PIGU: variants seen among roughly 807,000 people sequenced by gnomAD.
PIGU encodes the protein GPI-anchor transamidase component PIGU.
PIGU carries 24 observed loss-of-function variants against 49.9 expected under a neutral mutation model. The observed-to-expected ratio is 0.48, with a 90% confidence interval of 0.35 to 0.68. PIGU has a LOEUF of 0.68. PIGU is among the 30% of genes least tolerant of loss of function. The probability of loss-of-function intolerance (pLI) is 0.01; values close to 1 mark genes in which losing one functional copy is unlikely to be tolerated. For synonymous variants in PIGU, 220 were observed against 205.7 expected, an observed-to-expected ratio of 1.07 and a Z score of -0.59; for missense variants, 490 against 532.6, an observed-to-expected ratio of 0.92 and a Z score of 0.79.
chr20:34,670,688 C>T lies in PIGU; in HGVS notation c.130+6268G>A, dbSNP rs371290101. On this transcript the variant is annotated intron_variant, in intron 1 of 11. Transcript: ENST00000217446. ...CCAGGTAGCTGGGACTACAGGCACA[C>T]GCCACCATACCCACCTAATTTTTGT... Among the ~76,000 whole-genome samples, 23 of 152,240 alleles carry T rather than the reference C, an allele frequency of 1.5e-4. 1 individual carries two copies. The South Asian group carries it at 3.7e-3, about 25-fold the overall frequency.
chr20:34,579,811 C>A (rs1983386953), intron 10 of PIGU, among the ~76,000 whole-genome samples: 1 of 152,228 alleles, frequency 6.6e-6, no homozygotes, highest in Non-Finnish European at 1.5e-5. Flanking sequence ...GTTTATTCGT[C>A]TTGAAAAATA....
chr20:34,633,906 G>A (rs1038002858), intron 6 of PIGU, among the ~76,000 whole-genome samples: 25 of 152,022 alleles, frequency 1.6e-4, no homozygotes, highest in African/African-American at 5.8e-4. Flanking sequence ...TGATGGGAGT[G>A]CAACAAATAA....
intron 6 of PIGU, among the ~76,000 whole-genome samples, chr20:34,622,695 C>T (rs1943617972): frequency 6.6e-6 from 1 of 152,152 alleles, no homozygotes; most frequent in Non-Finnish European, 1.5e-5. Flanking sequence ...GCTAGGGCAT[C>T]ACGCTGGCCT....
chr20:34,594,314 A>G (rs1208627885), intron 7 of PIGU, among the ~76,000 whole-genome samples: 3 of 152,244 alleles, frequency 2.0e-5, no homozygotes, highest in South Asian at 4.1e-4. Flanking sequence ...TTGTAATTGC[A>G]AAATATTGTA....
At chr20:34,600,763 G>A (rs1277761185) in intron 7 of PIGU, among the ~76,000 whole-genome samples, 3 of 152,114 alleles carry the variant, frequency 2.0e-5, no homozygotes, top group Admixed American at 6.6e-5. Flanking sequence ...GGCCGGGCAC[G>A]GTGGCTCACA....
chr20:34,580,370 C>A (rs1983406733), intron 10 of PIGU, among the ~76,000 whole-genome samples: 1 of 152,244 alleles, frequency 6.6e-6, no homozygotes, highest in African/African-American at 2.4e-5. Flanking sequence ...CACAGCCCCA[C>A]TAGGCCATCA....
At chr20:34,638,383 A>G (rs1986037979) in intron 4 of PIGU, among the ~76,000 whole-genome samples, 1 of 152,172 alleles carries the variant, frequency 6.6e-6, no homozygotes. Flanking sequence ...TTTTTCACTT[A>G]TTTATATGAT....
At chr20:34,634,881 A>C (rs1350152135) in intron 5 of PIGU, among the ~76,000 whole-genome samples, 166 bp from the exon 6 acceptor site, 1 of 152,230 alleles carries the variant, frequency 6.6e-6, no homozygotes, top group Non-Finnish European at 1.5e-5. Flanking sequence ...GTTGAGGCTG[A>C]TAAGTAAAAG....
chr20:34,639,654 T>A (rs1363357296), intron 4 of PIGU, among the ~76,000 whole-genome samples: 3 of 152,140 alleles, frequency 2.0e-5, no homozygotes, highest in East Asian at 1.9e-4. Flanking sequence ...TAAAAAAAAA[T>A]TAACCAAAAA....
At chr20:34,668,455 C>G (rs1393182439) in intron 1 of PIGU, among the ~76,000 whole-genome samples, 2 of 105,718 alleles carry the variant, frequency 1.9e-5, no homozygotes, top group Non-Finnish European at 3.6e-5. Flanking sequence ...GAGCGAGACT[C>G]CGTCTCAAAA....
intron 1 of PIGU, among the ~76,000 whole-genome samples, chr20:34,670,409 C>T (rs1228536977): frequency 6.6e-6 from 1 of 151,982 alleles, no homozygotes; most frequent in Non-Finnish European, 1.5e-5. Flanking sequence ...AGGCCGGTCT[C>T]GAACTCAAGC....
At chr20:34,609,521 T>G (rs1045724316) in intron 7 of PIGU, among the ~76,000 whole-genome samples, 1 of 152,098 alleles carries the variant, frequency 6.6e-6, no homozygotes, top group Non-Finnish European at 1.5e-5. Flanking sequence ...CATGTCACCA[T>G]GCCTAGCTAA....
At chr20:34,616,012 G>A (rs770385649) in intron 7 of PIGU, 30 bp downstream of exon 7, 2 of 1,583,972 alleles carry the variant, frequency 1.3e-6, no homozygotes, top group Non-Finnish European at 8.6e-7. Flanking sequence ...ATGTCACTTG[G>A]GTGCTGGCTT....
rs527336382 is a variant in PIGU, at chr20:34,622,727, G to A, written c.530-6588C>T. On this transcript the variant is annotated intron_variant, in intron 6 of 11. Transcript: ENST00000217446. ...GCCTAACCAGAAGGAACTGTGCCAAGAGGACTAAGAGTTTTACCCCAAAAT... is the reference window on the plus strand; with the variant it reads ...GCCTAACCAGAAGGAACTGTGCCAAAAGGACTAAGAGTTTTACCCCAAAAT... 3.4e-4 allele frequency among the ~76,000 whole-genome samples: 52 copies of A among 152,260 alleles called. No individual in the cohort carries two copies. The South Asian group carries it at 3.5e-3, about 10-fold the overall frequency.
At chr20:34,676,001 A>C (rs1451404593) in intron 1 of PIGU, among the ~76,000 whole-genome samples, 7 of 146,774 alleles carry the variant, frequency 4.8e-5, no homozygotes, top group Non-Finnish European at 8.9e-5. Context: ...CTTAATATGC[A>C]TTGTATGTAT....
At chr20:34,584,569 T>C (rs2146709136) in intron 9 of PIGU, among the ~76,000 whole-genome samples, 1 of 141,888 alleles carries the variant, frequency 7.0e-6, no homozygotes, top group African/African-American at 2.6e-5. Context: ...AGAAGTGCAG[T>C]GGCACAAGCA....
At chr20:34,599,282 G>A (rs1484050647) in intron 7 of PIGU, among the ~76,000 whole-genome samples, 1 of 151,800 alleles carries the variant, frequency 6.6e-6, no homozygotes, top group Non-Finnish European at 1.5e-5. Context: ...GCAAAACCCT[G>A]TCTCTACAAA....
At chr20:34,634,812 G>A (rs546603622) in intron 5 of PIGU, 97 bp from the exon 6 acceptor site, 10 of 1,486,498 alleles carry the variant, frequency 6.7e-6, no homozygotes, top group South Asian at 2.5e-5. Flanking sequence ...AAAAGCTTAC[G>A]CAAAGGAAGG....
rs544685364 is a variant in PIGU, at chr20:34,581,672, C to T, written c.927G>A (p.Lys309=). ...FYTIPLAIKL[K]EHPIFFMFIQ... is the part of the protein sequence containing the mutation. ...TAAACATGAAGAAGATGGGGTGCTC[C>T]CTGGGGCAGGGCAGGGGAAAGAGAG... is the stretch of plus-strand genomic sequence containing the variant. Residue 309 remains lysine, a splice_region_variant and synonymous_variant, in exon 10 of 12, where the codon AAG becomes AAA. Transcript: ENST00000217446. 1.3e-5 allele frequency: 21 copies of T among 1,607,000 alleles called. No individual in the cohort carries two copies. In the South Asian group the frequency reaches 1.9e-4, roughly 14 times the overall value.
Sources: allele counts gnomAD v4.1 joint callset (sites outside exome capture counted in the v4.1 genomes callset), GRCh38; gene constraint gnomAD v4.1.1; transcripts MANE v1.5; gene names NCBI Gene and HGNC (gene_info 2026-07-23, HGNC 2026-07-21).